Variants in USP43 observed in about 807,000 individuals in gnomAD.
The protein encoded by USP43 is ubiquitin specific peptidase 43.
A neutral mutation model predicts 90.7 loss-of-function variants in USP43; 33 were observed. The ratio of observed to expected loss-of-function variants is 0.36; its 90% confidence interval spans 0.28 to 0.49. The LOEUF (loss-of-function observed/expected upper bound fraction) is 0.49, where lower values mean the gene tolerates loss of function less well. Among genes scored for constraint, USP43 ranks in the 20% least tolerant of loss-of-function variants. The probability of loss-of-function intolerance (pLI) is 0.98; values close to 1 mark genes in which losing one functional copy is unlikely to be tolerated. For missense variants in USP43, 1,274 were observed against 1,476.4 expected, an observed-to-expected ratio of 0.86 and a Z score of 2.25; for synonymous variants, 598 against 615.8, an observed-to-expected ratio of 0.97 and a Z score of 0.43.
intron 1 of USP43, chr17:9,647,061 C>CAAAAA (rs11305216): frequency 5.0e-5 from 4 of 79,814 alleles, no homozygotes; most frequent in Admixed American, 1.5e-4. Flanking sequence ...TTGCTTCCTG[C>CAAAAA]AAAAAAAAAA....
In USP43 at chr17:9,680,408, G is replaced by A. The variant is rs562693671; in HGVS notation, c.1105+42G>A. The stretch of plus-strand genomic sequence containing the variant: ...GCACAATTTTATTTGGCTATGATGA[G>A]TTACAGGTTTCAGAGGATACTCCTT... On this transcript the variant is annotated intron_variant, in intron 6 of 14. Transcript: ENST00000285199. 36 of 1,606,966 alleles carry A rather than the reference G, an allele frequency of 2.2e-5. No individual in the cohort carries two copies. The South Asian group carries it at 2.8e-4, about 12-fold the overall frequency.
At chr17:9,682,509 G>A (rs962109101) in intron 6 of USP43, among the ~76,000 whole-genome samples, 2 of 152,228 alleles carry the variant, frequency 1.3e-5, no homozygotes, top group Admixed American at 6.5e-5. Context: ...GGTAGAGTTT[G>A]CAGTGAGCCA....
intron 8 of USP43, among the ~76,000 whole-genome samples, chr17:9,688,250 G>A (rs1162393680): frequency 8.7e-5 from 12 of 137,562 alleles, no homozygotes; most frequent in Non-Finnish European, 1.9e-4. Flanking sequence ...GCCTCCCAGA[G>A]TGCTGGGATT....
intron 7 of USP43, among the ~76,000 whole-genome samples, chr17:9,685,780 C>G (rs370763420): frequency 6.6e-6 from 1 of 152,148 alleles, no homozygotes; most frequent in Non-Finnish European, 1.5e-5. Context: ...TTGGCATAAC[C>G]GTCACCTCAA....
chr17:9,698,127 T>C (rs369153000), intron 9 of USP43, among the ~76,000 whole-genome samples: 1 of 152,248 alleles, frequency 6.6e-6, no homozygotes, highest in African/African-American at 2.4e-5. Flanking sequence ...TGGCCACTTA[T>C]ATGTCTTCTT....
chr17:9,670,417 G>A (rs1485526045), intron 3 of USP43, among the ~76,000 whole-genome samples: 2 of 152,188 alleles, frequency 1.3e-5, no homozygotes, highest in Non-Finnish European at 2.9e-5. Flanking sequence ...TGTGGTCCCA[G>A]TGGGAGAGCA....
chr17:9,716,288 C>T (rs1163509389), intron 14 of USP43, among the ~76,000 whole-genome samples: 1 of 151,754 alleles, frequency 6.6e-6, no homozygotes, highest in Non-Finnish European at 1.5e-5. Flanking sequence ...ATATTGCATA[C>T]AATTATATAT....
chr17:9,718,609 G>A (rs1363148316), intron 14 of USP43, among the ~76,000 whole-genome samples: 1 of 152,120 alleles, frequency 6.6e-6, no homozygotes, highest in Non-Finnish European at 1.5e-5. Flanking sequence ...GGGAGGCCAA[G>A]GTGGGCAGAT....
rs1915558287 is a variant in USP43, at chr17:9,701,347, T to C, written c.1663-5T>C. The C allele has an allele frequency of 6.3e-7, 1 of 1,591,914 alleles. No individual in the cohort carries two copies. The highest frequency in any genetic ancestry group is 1.3e-5 in the African/African-American group (1 of 74,538). Reference sequence around the variant, plus strand: ...GCCTCACAGTCCGGGTGGTTTGCTTTCCAGCTGGCCCAGGATGACGCCTGG... The same window carrying C: ...GCCTCACAGTCCGGGTGGTTTGCTTCCCAGCTGGCCCAGGATGACGCCTGG... On this transcript the variant is annotated splice_region_variant and splice_polypyrimidine_tract_variant and intron_variant, in intron 11 of 14. Transcript: ENST00000285199. The surrounding 1 kb of genome is among the most constrained non-coding windows in gnomAD (Gnocchi z 7.2).
At chr17:9,678,038 T>A (rs17809614) in intron 5 of USP43, among the ~76,000 whole-genome samples, 9,362 of 151,944 alleles carry the variant, frequency 0.062, 266 homozygotes, top group South Asian at 0.09. Context: ...CTATGGGGAG[T>A]TACTGAAAGA....
intron 9 of USP43, among the ~76,000 whole-genome samples, chr17:9,697,679 T>G (rs1434566721): frequency 6.6e-6 from 1 of 151,930 alleles, no homozygotes; most frequent in Non-Finnish European, 1.5e-5. Flanking sequence ...TTTTTTTTTT[T>G]TTGGCTGTGT....
At chr17:9,676,982 C>A in intron 5 of USP43, 101 bp downstream of exon 5, 1 of 1,435,662 alleles carries the variant, frequency 7.0e-7, no homozygotes, top group Non-Finnish European at 9.4e-7. Context: ...CCAGGTGACT[C>A]CAGTATGACT....
intron 5 of USP43, among the ~76,000 whole-genome samples, chr17:9,677,167 G>T (rs549820229): frequency 2.0e-5 from 3 of 152,178 alleles, no homozygotes; most frequent in Non-Finnish European, 2.9e-5. Context: ...CTTACTAAGT[G>T]TGGGGCACTA....
chr17:9,679,173 T>C (rs1314338646), intron 5 of USP43, among the ~76,000 whole-genome samples: 2 of 152,170 alleles, frequency 1.3e-5, no homozygotes, highest in African/African-American at 4.8e-5. Flanking sequence ...TTGATTCAGG[T>C]TTTTAAATCC....
intron 1 of USP43, among the ~76,000 whole-genome samples, chr17:9,649,253 G>T (rs1199889426): frequency 6.6e-6 from 1 of 152,134 alleles, no homozygotes. Context: ...GTTGCAGTGA[G>T]CCGAGATCGT....
At chr17:9,712,561 G>T (rs1013046630) in intron 14 of USP43, among the ~76,000 whole-genome samples, 9 of 152,122 alleles carry the variant, frequency 5.9e-5, no homozygotes, top group Admixed American at 3.9e-4. Context: ...TTGTGTAGAA[G>T]CCTAGGGCTA....
intron 9 of USP43, among the ~76,000 whole-genome samples, chr17:9,699,556 G>C (rs1221409109): frequency 6.6e-6 from 1 of 152,166 alleles, no homozygotes; most frequent in Non-Finnish European, 1.5e-5. Flanking sequence ...ACTTGTATCT[G>C]TTCCTATTGA....
chr17:9,727,503 AT>A lies in USP43; in HGVS notation c.2336-441del, dbSNP rs533288625. On this transcript the variant is annotated intron_variant, in intron 14 of 14. Coordinates refer to ENST00000285199, the MANE Select transcript of USP43 (RefSeq NM_153210.5). ...GTTTTCACCATATTTTTTTAATTCC[AT>A]TTTTTTTTTCTTTTTTAGCCCAGGG... 6.5e-3 allele frequency among the ~76,000 whole-genome samples: 951 copies of A among 147,122 alleles called. 4 individuals are homozygous for A. Among genetic ancestry groups the A allele is most frequent in the South Asian group, 0.024 (112 of 4,646 alleles).
chr17:9,696,771 G>A (rs1915294405), intron 9 of USP43, among the ~76,000 whole-genome samples: 1 of 152,220 alleles, frequency 6.6e-6, no homozygotes, highest in Non-Finnish European at 1.5e-5. Context: ...TGTGAAGGTG[G>A]CCTACAAGGC....
Sources: gnomAD v4.1 joint callset for allele counts (sites outside exome capture counted in the v4.1 genomes callset) on GRCh38, gnomAD v4.1.1 for gene constraint, Gnocchi (gnomAD v3.1) non-coding constraint, MANE v1.5 for transcripts, NCBI Gene and HGNC (gene_info 2026-07-23, HGNC 2026-07-21) for gene names.